The following ZNF519 variants were observed in gnomAD, a reference collection of about 807,000 sequenced individuals.
ZNF519 encodes zinc finger protein 519.
A neutral mutation model predicts 7.4 loss-of-function variants in ZNF519; 7 were observed. The observed-to-expected ratio is 0.94, with a 90% confidence interval of 0.54 to 1.77. The LOEUF (loss-of-function observed/expected upper bound fraction) is 1.77, where lower values mean the gene tolerates loss of function less well. Ranked by LOEUF, ZNF519 falls within the 40% of genes most tolerant of loss-of-function variation. The pLI, the probability that ZNF519 is intolerant of heterozygous loss-of-function variation, is 0.00. For missense variants in ZNF519, 586 were observed against 623.1 expected (o/e 0.94, Z 0.63); for synonymous variants, 179 against 203.3 (o/e 0.88, Z 1.02).
chr18:14,080,182 C>T (rs2046064856), intron 3 of ZNF519: 1 of 152,042 alleles, frequency 6.6e-6, no homozygotes, highest in Non-Finnish European at 1.5e-5. Context: ...TATCAGTACA[C>T]ACTTACCTAT....
chr18:14,098,161 C>CTTT (rs11438208), downstream of ZNF519, among the ~76,000 whole-genome samples: 1 of 139,802 alleles, frequency 7.2e-6, no homozygotes, highest in Non-Finnish European at 1.5e-5. Context: ...CTTTCACTGT[C>CTTT]TTTTTTTTTT....
intron 4 of ZNF519, among the ~76,000 whole-genome samples, chr18:14,077,906 T>A: frequency 6.6e-6 from 1 of 152,186 alleles, no homozygotes; most frequent in East Asian, 1.9e-4. Flanking sequence ...TATCAATAGG[T>A]TACGGTGCAA....
At chr18:14,081,584 C>CT (rs2046070808) in intron 3 of ZNF519, among the ~76,000 whole-genome samples, 2 of 152,090 alleles carry the variant, frequency 1.3e-5, no homozygotes, top group African/African-American at 4.8e-5. Context: ...TCTCATGAAA[C>CT]TTTTTGTTAT....
chr18:14,090,360 A>C (rs2046109447), intron 2 of ZNF519: 1 of 152,220 alleles, frequency 6.6e-6, no homozygotes, highest in Non-Finnish European at 1.5e-5. Context: ...CACCATCTCA[A>C]GATTGATGGA....
In ZNF519 at chr18:14,110,117, G is replaced by A. The variant is rs192963136; in HGVS notation, c.131-3708C>T. 8.5e-5 allele frequency among the ~76,000 whole-genome samples: 13 copies of A among 152,164 alleles called. No homozygotes were observed. In the East Asian group the frequency reaches 1.9e-3, roughly 23 times the overall value. On this transcript the variant is annotated intron_variant, in intron 2 of 2. Transcript: ENST00000590202. ...GGAAACAACACCCTATTCAATAAACGGTGCTAGGAAAACTGGCAAGCCACA... is the reference window on the plus strand; with the variant it reads ...GGAAACAACACCCTATTCAATAAACAGTGCTAGGAAAACTGGCAAGCCACA...
chr18:14,093,764 T>A (rs2046123476), intron 2 of ZNF519, among the ~76,000 whole-genome samples: 1 of 152,192 alleles, frequency 6.6e-6, no homozygotes, highest in African/African-American at 2.4e-5. Context: ...CTGCCTTATC[T>A]GAACATGGCT....
At chr18:14,090,926 A>G (rs1351320656) in intron 2 of ZNF519, 2 of 152,222 alleles carry the variant, frequency 1.3e-5, no homozygotes, top group Non-Finnish European at 2.9e-5. Context: ...TTAACTATAT[A>G]AGTAAATAAT....
rs1182554955 is a variant in ZNF519, at chr18:14,129,090, T to C, written c.3+3185A>G. Among the ~76,000 whole-genome samples the C allele has an allele frequency of 2.6e-5, 4 of 152,302 alleles. No homozygotes were observed. The East Asian group carries it at 7.7e-4, about 29-fold the overall frequency. ...TGCAGGGCAGAATTGGTTAAGGAAC[T>C]GGTTTGTGCTACAGATACAGGCTCA... On this transcript the variant is annotated intron_variant, in intron 1 of 2. Coordinates refer to ENST00000590202, the MANE Select transcript of ZNF519 (RefSeq NM_145287.4).
At chr18:14,094,261 A>G (rs949226074) in intron 2 of ZNF519, among the ~76,000 whole-genome samples, 1 of 152,214 alleles carries the variant, frequency 6.6e-6, no homozygotes, top group Non-Finnish European at 1.5e-5. Flanking sequence ...TGTTGCCCAC[A>G]CTAACCTCTA....
At chr18:14,127,663 T>A (rs2046307384) in intron 1 of ZNF519, among the ~76,000 whole-genome samples, 1 of 152,098 alleles carries the variant, frequency 6.6e-6, no homozygotes, top group Non-Finnish European at 1.5e-5. Flanking sequence ...TGATCCTAAT[T>A]GGGTTTATGG....
At chr18:14,092,753 G>C (rs1189886124) in intron 2 of ZNF519, among the ~76,000 whole-genome samples, 2 of 152,054 alleles carry the variant, frequency 1.3e-5, no homozygotes, top group African/African-American at 4.8e-5. Flanking sequence ...TTCTCTCCTC[G>C]ACCGAGTTCT....
At chr18:14,095,471 G>C (rs1598511780), downstream of ZNF519, among the ~76,000 whole-genome samples, 1 of 152,250 alleles carries the variant, frequency 6.6e-6, no homozygotes, top group Non-Finnish European at 1.5e-5. Context: ...AAAGCCCACA[G>C]CTGCAAAGAC....
chr18:14,094,225 T>C (rs1259892670), intron 2 of ZNF519, among the ~76,000 whole-genome samples: 2 of 152,212 alleles, frequency 1.3e-5, no homozygotes, highest in African/African-American at 2.4e-5. Context: ...ATGTTGAGTG[T>C]TGAACTAGTA....
chr18:14,124,373 T>C lies in ZNF519; in HGVS notation c.107A>G (p.Asn36Ser), dbSNP rs750620137. The change falls in exon 2 of 3, where the codon AAC becomes AGC. Residue 36 changes from asparagine to serine, a missense_variant. Asn to Ser is a conservative substitution (Grantham distance 46). Transcript: ENST00000590202. ...ACCCAGGGAGACGAGGTTTCTGTAG[T>C]TCTCCAACATCACATCTCTATATAA... ...QNLYRDVMLE[N>S]YRNLVSLAVY... 8 of 1,609,334 alleles carry C rather than the reference T, an allele frequency of 5.0e-6. No homozygotes were observed. The highest frequency in any genetic ancestry group is 1.7e-5 in the Admixed American group (1 of 58,328).
At chr18:14,094,229 A>C (rs1567942064) in intron 2 of ZNF519, among the ~76,000 whole-genome samples, 1 of 152,340 alleles carries the variant, frequency 6.6e-6, no homozygotes, top group South Asian at 2.1e-4. Context: ...TGAGTGTTGA[A>C]CTAGTAACAG....
intron 2 of ZNF519, among the ~76,000 whole-genome samples, chr18:14,087,007 A>G (rs538437278): frequency 4.6e-5 from 7 of 152,180 alleles, no homozygotes; most frequent in South Asian, 4.1e-4. Flanking sequence ...CTAGCCAACT[A>G]AATCCCATTG....
At chr18:14,132,169 C>T (rs2046333980) in intron 1 of ZNF519, 106 bp downstream of exon 1, 2 of 1,362,014 alleles carry the variant, frequency 1.5e-6, no homozygotes, top group East Asian at 4.6e-5. Context: ...GGACTGAGGG[C>T]TGAGCTGCAG....
downstream of ZNF519, among the ~76,000 whole-genome samples, chr18:14,095,271 G>A (rs189225566): frequency 4.2e-4 from 64 of 152,248 alleles, no homozygotes; most frequent in Non-Finnish European, 8.1e-4. Context: ...CATTAGCTTC[G>A]GGAGAGTCAC....
chr18:14,131,659 A>C (rs2046330817), intron 1 of ZNF519, among the ~76,000 whole-genome samples: 2 of 152,158 alleles, frequency 1.3e-5, no homozygotes, highest in African/African-American at 4.8e-5. Context: ...CCTTAGGAGG[A>C]AACGAAATTC....
Sources: allele counts gnomAD v4.1 joint callset (sites outside exome capture counted in the v4.1 genomes callset), GRCh38; gene constraint gnomAD v4.1.1; transcripts MANE v1.5; gene names NCBI Gene and HGNC (gene_info 2026-07-23, HGNC 2026-07-21).